RGS12: variants seen among roughly 807,000 people sequenced by gnomAD.
The protein encoded by RGS12 is regulator of G-protein signaling 12.
A neutral mutation model predicts 120.1 loss-of-function variants in RGS12; 66 were observed. The ratio of observed to expected loss-of-function variants is 0.55; its 90% CI spans 0.45 to 0.67. The LOEUF (loss-of-function observed/expected upper bound fraction) is 0.67. Ranked by LOEUF, RGS12 falls within the 30% of genes least tolerant of loss-of-function variation. RGS12 has a pLI of 0.00. For missense variants in RGS12, 1,859 were observed against 1,957.7 expected, an observed-to-expected ratio of 0.95 and a Z score of 0.95; for synonymous variants, 827 against 804.7, an observed-to-expected ratio of 1.03 and a Z score of -0.47.
intron 3 of RGS12, among the ~76,000 whole-genome samples, chr4:3,381,097 T>G (rs1718215083): frequency 6.6e-6 from 1 of 152,198 alleles, no homozygotes; most frequent in African/African-American, 2.4e-5. Flanking sequence ...GTTCCGCAGA[T>G]ATCTAGGGCA....
intron 3 of RGS12, among the ~76,000 whole-genome samples, chr4:3,351,111 C>T (rs1714315012): frequency 6.6e-6 from 1 of 152,122 alleles, no homozygotes; most frequent in Non-Finnish European, 1.5e-5. Flanking sequence ...AGCAGTTTGA[C>T]TTTTAAAAAC....
At chr4:3,362,583 T>G (rs1447114331) in intron 3 of RGS12, among the ~76,000 whole-genome samples, 1 of 130,012 alleles carries the variant, frequency 7.7e-6, no homozygotes, top group Non-Finnish European at 1.6e-5. Context: ...TGTGAGGGTG[T>G]GAGGGTGTGT....
intron 4 of RGS12, among the ~76,000 whole-genome samples, chr4:3,412,313 C>A (rs529580383): frequency 6.6e-6 from 1 of 152,332 alleles, no homozygotes; most frequent in South Asian, 2.1e-4. Flanking sequence ...CACGCTGTGG[C>A]CTCCTTGGAA....
intron 3 of RGS12, among the ~76,000 whole-genome samples, chr4:3,361,165 C>T (rs531541230): frequency 2.0e-5 from 3 of 152,220 alleles, no homozygotes; most frequent in Admixed American, 6.5e-5. Context: ...TGCAAGAGAA[C>T]GCACCTGTGT....
Position 3,439,682 on chromosome 4 carries a change from T to TGA in RGS12, c.4344_*1dup. 6.6e-7 allele frequency: 1 copy of TGA among 1,515,656 alleles called. No individual in the cohort carries two copies. Among genetic ancestry groups the TGA allele is most frequent in the Non-Finnish European group, 8.8e-7 (1 of 1,130,528 alleles). 93.9% of individuals were successfully genotyped at this position (1,515,656 alleles called of 1,614,324 possible). A position where few individuals can be genotyped will look rare whatever the true frequency, so the allele number is the denominator to read the frequency against. Residue 1448 remains the stop codon, a frameshift_variant and stop_retained_variant, in exon 18 of 18, where the codon TGA becomes TGAGA. Coordinates refer to ENST00000336727, the MANE Select transcript of RGS12 (RefSeq NM_001394154.1). LOFTEE classifies it high-confidence loss of function. ...KTSAHHATFV[*] ...CAGCGCTCACCACGCCACCTTCGTCTGAGCTGCCCTGGCCTGGCCAACTCT... is the reference window on the plus strand; with the variant it reads ...CAGCGCTCACCACGCCACCTTCGTCTGAGAGCTGCCCTGGCCTGGCCAACTCT...
intron 2 of RGS12, among the ~76,000 whole-genome samples, chr4:3,330,809 G>T (rs1270769399): frequency 6.6e-6 from 1 of 152,236 alleles, no homozygotes; most frequent in Non-Finnish European, 1.5e-5. Flanking sequence ...CTACTGTTGT[G>T]TGGTTGCTGC....
chr4:3,428,085 T>C lies in RGS12; in HGVS notation c.3332-5T>C, dbSNP rs1560175994. Reference sequence around the variant, plus strand: ...CCTGAAGTCATAAAGCTTTCTTATGTTTAGCATCCGCAGATAAACAGAAAG... The same window carrying C: ...CCTGAAGTCATAAAGCTTTCTTATGCTTAGCATCCGCAGATAAACAGAAAG... On this transcript the variant is annotated splice_polypyrimidine_tract_variant and splice_region_variant and intron_variant, in intron 14 of 17. Transcript: ENST00000336727. 1.9e-6 allele frequency: 3 copies of C among 1,612,802 alleles called. No homozygotes were observed. The African/African-American group carries it at 4.0e-5, about 22-fold the overall frequency.
At position 3,362,587 on chromosome 4, in the gene RGS12, GGT is replaced by G. The variant is rs199941508; in HGVS notation, c.1998+19542_1998+19543del. Among the ~76,000 whole-genome samples the G allele has an allele frequency of 8.2e-3, 1,157 of 141,582 alleles. 7 individuals carry two copies. Among genetic ancestry groups the G allele is most frequent in the Non-Finnish European group, 0.011 (701 of 64,776 alleles). 92.9% of individuals were successfully genotyped at this position (141,582 alleles called of 152,430 possible). A position where few individuals can be genotyped will look rare whatever the true frequency, so the allele number is the denominator to read the frequency against. ...GTGAGGGTTGGTGTGAGGGTGTGAG[GGT>G]GTGTGTGAGGGTGCGAGGATGTCGT... On this transcript the variant is annotated intron_variant, in intron 3 of 17. Coordinates refer to ENST00000336727, the MANE Select transcript of RGS12 (RefSeq NM_001394154.1).
intron 3 of RGS12, among the ~76,000 whole-genome samples, chr4:3,368,086 C>T (rs528684673): frequency 1.1e-4 from 17 of 152,336 alleles, no homozygotes; most frequent in African/African-American, 2.6e-4. Context: ...AGGCTGCCTT[C>T]GGTTCTCAGG....
At chr4:3,361,983 G>T (rs964932636) in intron 3 of RGS12, among the ~76,000 whole-genome samples, 3 of 152,220 alleles carry the variant, frequency 2.0e-5, no homozygotes, top group African/African-American at 4.8e-5. Flanking sequence ...GGGGAAGTCA[G>T]TGTTGGGAGC....
intron 3 of RGS12, among the ~76,000 whole-genome samples, chr4:3,355,815 AAG>A (rs1467819285): frequency 6.6e-6 from 1 of 150,924 alleles, no homozygotes; most frequent in Non-Finnish European, 1.5e-5. Flanking sequence ...AAAAAAAAAA[AAG>A]GAAAAAAGAA....
At chr4:3,311,630 T>C (rs1443165077) in intron 1 of RGS12, among the ~76,000 whole-genome samples, 6 of 152,216 alleles carry the variant, frequency 3.9e-5, no homozygotes, top group Admixed American at 3.9e-4. Context: ...TGGGTCAGTG[T>C]ACACAAACCT....
chr4:3,336,194 T>G (rs1414668470), intron 2 of RGS12, among the ~76,000 whole-genome samples: 2 of 152,204 alleles, frequency 1.3e-5, no homozygotes. Context: ...GCTGTTTTCC[T>G]GTGAGCTGCC....
intron 2 of RGS12, among the ~76,000 whole-genome samples, chr4:3,328,231 A>G (rs185043913): frequency 3.9e-5 from 6 of 152,240 alleles, no homozygotes; most frequent in Non-Finnish European, 7.4e-5. Context: ...GAGAATGGAG[A>G]CTTGGAAAGG....
chr4:3,305,965 C>T (rs1723948837), intron 1 of RGS12, among the ~76,000 whole-genome samples: 1 of 152,228 alleles, frequency 6.6e-6, no homozygotes, highest in South Asian at 2.1e-4. Flanking sequence ...GTAGTTCAAG[C>T]TGGCAGTGAT....
chr4:3,380,263 G>A (rs13138393), intron 3 of RGS12, among the ~76,000 whole-genome samples: 44,662 of 152,186 alleles, frequency 0.29, 6,591 homozygotes, highest in South Asian at 0.4. Flanking sequence ...GGGCTCCCAC[G>A]GCCTTGGGCA....
intron 3 of RGS12, among the ~76,000 whole-genome samples, chr4:3,349,973 G>A (rs1475622838): frequency 6.6e-6 from 1 of 152,066 alleles, no homozygotes; most frequent in East Asian, 1.9e-4. Context: ...TCCCATCTAC[G>A]TTTATGTACT....
chr4:3,298,234 A>G (rs1248217603), intron 1 of RGS12, among the ~76,000 whole-genome samples: 1 of 152,200 alleles, frequency 6.6e-6, no homozygotes, highest in Non-Finnish European at 1.5e-5. Context: ...AATTTCAAAG[A>G]TAATTTTCTT....
At chr4:3,367,661 C>T (rs948662519) in intron 3 of RGS12, among the ~76,000 whole-genome samples, 4 of 152,364 alleles carry the variant, frequency 2.6e-5, no homozygotes, top group Non-Finnish European at 5.9e-5. Context: ...TGCTGGGGCC[C>T]TCAGGCGGTC....
Sources: allele counts gnomAD v4.1 joint callset (sites outside exome capture counted in the v4.1 genomes callset), GRCh38; gene constraint gnomAD v4.1.1; transcripts MANE v1.5; gene names NCBI Gene and HGNC (gene_info 2026-07-23, HGNC 2026-07-21).